The following CUL5 variants were observed in gnomAD, a reference collection of about 807,000 sequenced individuals.
CUL5 encodes the protein cullin 5.
A neutral mutation model predicts 108.8 loss-of-function variants in CUL5; 26 were observed. The observed-to-expected ratio is 0.24, with a 90% CI of 0.18 to 0.33. CUL5 has a LOEUF of 0.33. Among genes scored for constraint, CUL5 ranks in the 10% least tolerant of loss-of-function variants. CUL5 has a pLI of 1.00. For missense variants in CUL5, 524 were observed against 909.2 expected (o/e 0.58, Z 5.45); for synonymous variants, 334 against 298.0 (o/e 1.12, Z -1.25).
At chr11:108,097,796 A>T in intron 17 of CUL5, 42 bp downstream of exon 17, 1 of 1,111,168 alleles carries the variant, frequency 9.0e-7, no homozygotes, top group Non-Finnish European at 1.3e-6. Context: ...ACCTTGTTTG[A>T]ATTTTAGCAC....
chr11:108,015,449 A>G (rs570882882), intron 1 of CUL5, among the ~76,000 whole-genome samples: 1 of 152,364 alleles, frequency 6.6e-6, no homozygotes, highest in South Asian at 2.1e-4. Context: ...CTAGTTAAAC[A>G]TAAATGAGAA....
intron 1 of CUL5, among the ~76,000 whole-genome samples, chr11:108,027,794 C>T (rs1862487915): frequency 6.6e-6 from 1 of 152,178 alleles, no homozygotes; most frequent in African/African-American, 2.4e-5. Flanking sequence ...GACAAAGTTT[C>T]AGTAACTTCC....
At chr11:108,048,254 A>C (rs935753210) in intron 3 of CUL5, among the ~76,000 whole-genome samples, 3 of 152,116 alleles carry the variant, frequency 2.0e-5, no homozygotes, top group Admixed American at 6.6e-5. Context: ...TAAAGAACAA[A>C]AAAAAAAGTA....
In CUL5 at chr11:108,009,299, G is replaced by T; in HGVS notation, c.-50G>T. ...CCGGCCTCCGGTCAAGGCCTGGCCG[G>T]GAGCGCCACGAATTCTCGCGTCGTC... On this transcript the variant is annotated 5_prime_UTR_variant, in exon 1 of 19. Coordinates refer to ENST00000393094, the MANE Select transcript of CUL5 (RefSeq NM_003478.6). 1 of 1,609,720 alleles carries T rather than the reference G, an allele frequency of 6.2e-7. No individual in the cohort carries two copies. The highest frequency in any genetic ancestry group is 8.5e-7 in the Non-Finnish European group (1 of 1,177,002).
intron 2 of CUL5, among the ~76,000 whole-genome samples, chr11:108,041,993 AAAT>A (rs1862929987): frequency 6.6e-6 from 1 of 152,206 alleles, no homozygotes; most frequent in African/African-American, 2.4e-5. Context: ...ATAGTAAACT[AAAT>A]AAAAGATGAT....
chr11:108,058,509 A>G (rs553102070), intron 7 of CUL5, among the ~76,000 whole-genome samples: 155 of 151,822 alleles, frequency 1.0e-3, no homozygotes, highest in Admixed American at 2.0e-3. Context: ...CGGCCTCCCA[A>G]AGTGCTGGGA....
Position 108,099,802 on chromosome 11 carries a change from A to G in CUL5, c.2148+1273A>G, listed in dbSNP as rs527795642. ...AGTTCTGCCAGTTCTAGGTTTTCAT[A>G]TAAATGGAACCAGACAGTATGTACT... On this transcript the variant is annotated intron_variant, in intron 18 of 18. Coordinates refer to ENST00000393094, the MANE Select transcript of CUL5 (RefSeq NM_003478.6). Among the ~76,000 whole-genome samples the G allele has an allele frequency of 3.9e-5, 6 of 152,262 alleles. 1 individual carries two copies. The South Asian group carries it at 1.0e-3, about 26-fold the overall frequency.
intron 7 of CUL5, among the ~76,000 whole-genome samples, chr11:108,055,677 C>G (rs1191568570): frequency 1.3e-5 from 2 of 151,158 alleles, no homozygotes; most frequent in Admixed American, 1.3e-4. Flanking sequence ...GTTGCCCAGG[C>G]TGGAGTGCAG....
intron 1 of CUL5, among the ~76,000 whole-genome samples, chr11:108,012,089 C>G (rs1423821539): frequency 2.0e-5 from 3 of 152,144 alleles, no homozygotes; most frequent in African/African-American, 7.2e-5. Context: ...TCTCTGAAAA[C>G]CTTTCCATGT....
intron 2 of CUL5, among the ~76,000 whole-genome samples, chr11:108,039,643 C>G (rs532963990): frequency 6.6e-6 from 1 of 152,326 alleles, no homozygotes; most frequent in South Asian, 2.1e-4. Context: ...CATTCTTCCT[C>G]TCCTCAGCTC....
At chr11:108,031,995 A>G (rs976442908) in intron 1 of CUL5, among the ~76,000 whole-genome samples, 1 of 152,178 alleles carries the variant, frequency 6.6e-6, no homozygotes, top group African/African-American at 2.4e-5. Flanking sequence ...CATAAAGGGG[A>G]ACAACACACA....
rs567500493 is a variant in CUL5, at chr11:108,095,047, C to T, written c.1743+60C>T. 6.3e-5 allele frequency: 87 copies of T among 1,374,392 alleles called. No homozygotes were observed. In the South Asian group the frequency reaches 7.5e-4, roughly 12 times the overall value. 85.1% of individuals were successfully genotyped at this position (1,374,392 alleles called of 1,614,324 possible). On this transcript the variant is annotated intron_variant, in intron 15 of 18. Coordinates refer to ENST00000393094, the MANE Select transcript of CUL5 (RefSeq NM_003478.6). ...AGTTTGGATGAAAGTAGCAGGACTCCGCAGAATTGCTTAAACAAAATAGAT... is the reference window on the plus strand; with the variant it reads ...AGTTTGGATGAAAGTAGCAGGACTCTGCAGAATTGCTTAAACAAAATAGAT...
chr11:108,058,119 G>T lies in CUL5; in HGVS notation c.780+3164G>T, dbSNP rs565671404. Among the ~76,000 whole-genome samples the T allele has an allele frequency of 4.9e-5, 7 of 143,782 alleles. No homozygotes were observed. The South Asian group carries it at 1.4e-3, about 29-fold the overall frequency. 94.3% of individuals were successfully genotyped at this position (143,782 alleles called of 152,430 possible). On this transcript the variant is annotated intron_variant, in intron 7 of 18. Transcript: ENST00000393094. The stretch of plus-strand genomic sequence containing the variant: ...AGCTACTCAGGAGGCTGAGGCAGGA[G>T]AATCTCTTGAACCTGGGAGGCAGAG...
intron 8 of CUL5, among the ~76,000 whole-genome samples, chr11:108,071,116 C>G (rs756239421): frequency 6.6e-6 from 1 of 152,164 alleles, no homozygotes; most frequent in African/African-American, 2.4e-5. Flanking sequence ...GTTTTATATT[C>G]TAATCTCTAA....
At position 108,104,519 on chromosome 11, in the gene CUL5, AAAC is replaced by A. The variant is rs1309143275; in HGVS notation, c.*139_*141del. On this transcript the variant is annotated 3_prime_UTR_variant, in exon 19 of 19. Coordinates refer to ENST00000393094, the MANE Select transcript of CUL5 (RefSeq NM_003478.6). ...TTAAAATCTCTGCCTTACCTTACAAAAACAACTATATTTTGCCAATCACATTAG... is the reference window on the plus strand; with the variant it reads ...TTAAAATCTCTGCCTTACCTTACAAAAACTATATTTTGCCAATCACATTAG... 5 of 568,730 alleles carry A rather than the reference AAAC, an allele frequency of 8.8e-6. No individual in the cohort carries two copies. In the African/African-American group the frequency reaches 9.8e-5, roughly 11 times the overall value. The allele number at this position is 568,730 out of a possible 1,614,324, so 35.2% of individuals were successfully genotyped here. A position where few individuals can be genotyped will look rare whatever the true frequency, so the allele number is the denominator to read the frequency against.
At chr11:108,031,689 A>C (rs1276226545) in intron 1 of CUL5, among the ~76,000 whole-genome samples, 1 of 152,160 alleles carries the variant, frequency 6.6e-6, no homozygotes, top group Non-Finnish European at 1.5e-5. Flanking sequence ...TTTGGTTACT[A>C]CAGTGCTGTC....
rs1277102156 is a variant in CUL5 at position 108,049,879 on chromosome 11, C to CT, written c.235-4dup. Reference sequence around the variant, plus strand: ...GCATTTATTTCAAATTGGTACACCTCTTTTTTTCAGCGAGTACTGAGCCAT... The same window carrying CT: ...GCATTTATTTCAAATTGGTACACCTCTTTTTTTTCAGCGAGTACTGAGCCAT... On this transcript the variant is annotated splice_polypyrimidine_tract_variant and intron_variant, in intron 3 of 18. Transcript: ENST00000393094. 1.9e-6 allele frequency: 3 copies of CT among 1,595,024 alleles called. No individual in the cohort carries two copies. Among genetic ancestry groups the CT allele is most frequent in the Non-Finnish European group, 1.7e-6 (2 of 1,173,586 alleles).
chr11:108,014,902 T>TTA (rs1565481992), intron 1 of CUL5, among the ~76,000 whole-genome samples: 5 of 150,528 alleles, frequency 3.3e-5, no homozygotes, highest in Non-Finnish European at 6.0e-5. Flanking sequence ...TATTATTATT[T>TTA]TTATTTTTAT....
chr11:108,024,313 G>A (rs1226510818), intron 1 of CUL5, among the ~76,000 whole-genome samples: 1 of 152,172 alleles, frequency 6.6e-6, no homozygotes, highest in Admixed American at 6.6e-5. Context: ...AGTTTGGGAG[G>A]CTGAGGCAGG....
Sources: allele counts gnomAD v4.1 joint callset (sites outside exome capture counted in the v4.1 genomes callset), GRCh38; gene constraint gnomAD v4.1.1; transcripts MANE v1.5; gene names NCBI Gene and HGNC (gene_info 2026-07-23, HGNC 2026-07-21).